Variants in SLC4A10 observed in about 807,000 individuals in gnomAD.
SLC4A10 encodes the protein solute carrier family 4 member 10.
In SLC4A10, 42 loss-of-function variants were observed where a neutral mutation model predicts 137.7. The ratio of observed to expected loss-of-function variants is 0.30; its 90% CI spans 0.24 to 0.39. The LOEUF (loss-of-function observed/expected upper bound fraction) is 0.39. Among genes scored for constraint, SLC4A10 ranks in the 10% least tolerant of loss-of-function variants. The pLI, the probability that SLC4A10 is intolerant of heterozygous loss-of-function variation, is 1.00. For missense variants in SLC4A10, 925 were observed against 1,355.0 expected, an observed-to-expected ratio of 0.68 and a Z score of 4.98; for synonymous variants, 474 against 464.1, an observed-to-expected ratio of 1.02 and a Z score of -0.27.
chr2:161,664,711 CT>C (rs11428885), intron 1 of SLC4A10, among the ~76,000 whole-genome samples: 28 of 148,418 alleles, frequency 1.9e-4, no homozygotes, highest in South Asian at 4.2e-4. Flanking sequence ...ATTTTTTCTC[CT>C]TTTTTTTTTC....
intron 15 of SLC4A10, among the ~76,000 whole-genome samples, chr2:161,940,007 T>A (rs13021256): frequency 0.27 from 41,589 of 151,996 alleles, 7,199 homozygotes; most frequent in Admixed American, 0.39. Context: ...CTGCAGACCC[T>A]CTCCCCAGTG....
chr2:161,945,539 G>A (rs1693629920), intron 16 of SLC4A10, among the ~76,000 whole-genome samples: 1 of 151,346 alleles, frequency 6.6e-6, no homozygotes. Flanking sequence ...AAAAACGAGA[G>A]CAGGATTTGG....
chr2:161,746,392 T>C (rs553080946), intron 1 of SLC4A10, among the ~76,000 whole-genome samples: 26 of 152,044 alleles, frequency 1.7e-4, no homozygotes, highest in Non-Finnish European at 3.7e-4. Flanking sequence ...TGATGACTAC[T>C]GCACGACTAC....
chr2:161,771,181 G>A, intron 2 of SLC4A10, 127 bp downstream of exon 2: 2 of 656,528 alleles, frequency 3.0e-6, no homozygotes, highest in East Asian at 2.8e-5. Flanking sequence ...TTACTGGGGA[G>A]GGGTACATCT....
intron 1 of SLC4A10, among the ~76,000 whole-genome samples, chr2:161,716,686 C>T (rs566618275): frequency 6.6e-6 from 1 of 152,194 alleles, no homozygotes; most frequent in South Asian, 2.1e-4. Flanking sequence ...TGTACCAATA[C>T]CATGCTGCTT....
chr2:161,716,524 G>A (rs1259473590), intron 1 of SLC4A10, among the ~76,000 whole-genome samples: 6 of 151,826 alleles, frequency 4.0e-5, no homozygotes, highest in Admixed American at 3.9e-4. Flanking sequence ...TAAGGAAAAG[G>A]TCCATTTTCA....
chr2:161,764,029 G>A (rs920347985), intron 1 of SLC4A10, among the ~76,000 whole-genome samples: 5 of 151,954 alleles, frequency 3.3e-5, no homozygotes, highest in African/African-American at 1.2e-4. Context: ...AAATAAACTG[G>A]CAAAAATATA....
intron 20 of SLC4A10, 72 bp downstream of exon 20, chr2:161,957,312 C>G: frequency 2.7e-6 from 4 of 1,496,792 alleles, no homozygotes; most frequent in Non-Finnish European, 3.6e-6. Context: ...TCATTTGAAT[C>G]TGAGCCATAA....
chr2:161,779,102 A>G (rs572525239), intron 2 of SLC4A10, among the ~76,000 whole-genome samples: 36 of 151,950 alleles, frequency 2.4e-4, no homozygotes, highest in Non-Finnish European at 4.9e-4. Context: ...AACAGGGTGG[A>G]AGGTCAAAGT....
intron 3 of SLC4A10, among the ~76,000 whole-genome samples, chr2:161,815,176 T>G (rs895200485): frequency 1.3e-5 from 2 of 152,098 alleles, no homozygotes; most frequent in African/African-American, 4.8e-5. Flanking sequence ...CTGGTATGGT[T>G]TGGCTCTGTG....
At chr2:161,905,912 C>G in intron 15 of SLC4A10, 25 bp downstream of exon 15, 1 of 1,555,834 alleles carries the variant, frequency 6.4e-7, no homozygotes, top group Non-Finnish European at 8.7e-7. Flanking sequence ...CCCTGCTGGC[C>G]TTGGGGCTTT....
intron 15 of SLC4A10, among the ~76,000 whole-genome samples, chr2:161,932,846 G>A (rs1055246295): frequency 2.0e-5 from 3 of 152,028 alleles, no homozygotes; most frequent in Non-Finnish European, 2.9e-5. Context: ...AGCTACAGTT[G>A]CTCTAGATGT....
intron 3 of SLC4A10, among the ~76,000 whole-genome samples, chr2:161,823,621 T>A (rs949781569): frequency 6.6e-6 from 1 of 152,246 alleles, no homozygotes; most frequent in African/African-American, 2.4e-5. Context: ...GCTTGACATG[T>A]ACTGCAGATT....
At chr2:161,654,475 G>A (rs2037238066) in intron 1 of SLC4A10, among the ~76,000 whole-genome samples, 1 of 152,098 alleles carries the variant, frequency 6.6e-6, no homozygotes, top group African/African-American at 2.4e-5. Flanking sequence ...GTGTCATGAA[G>A]CTTTTCCTCT....
At chr2:161,797,566 C>A (rs2054911616) in intron 2 of SLC4A10, among the ~76,000 whole-genome samples, 1 of 151,610 alleles carries the variant, frequency 6.6e-6, no homozygotes, top group Non-Finnish European at 1.5e-5. Flanking sequence ...GCACTCCTGG[C>A]TCTCTAAGTG....
At chr2:161,930,979 T>G (rs115686922) in intron 15 of SLC4A10, among the ~76,000 whole-genome samples, 8,586 of 152,206 alleles carry the variant, frequency 0.056, 402 homozygotes, top group African/African-American at 0.13. Context: ...TGGCCCAAGC[T>G]GAAGTGCAGT....
intron 4 of SLC4A10, among the ~76,000 whole-genome samples, chr2:161,852,752 G>C (rs754417589): frequency 2.0e-5 from 3 of 152,056 alleles, no homozygotes; most frequent in Non-Finnish European, 4.4e-5. Context: ...ACAGGCTCTG[G>C]AGAAAAACAA....
intron 10 of SLC4A10, among the ~76,000 whole-genome samples, chr2:161,893,033 G>A (rs1033366081): frequency 2.6e-5 from 4 of 152,036 alleles, no homozygotes; most frequent in African/African-American, 7.2e-5. Flanking sequence ...AGAAGCTCTA[G>A]CTGGACCTGT....
At chr2:161,686,574 A>T (rs2041427621) in intron 1 of SLC4A10, among the ~76,000 whole-genome samples, 2 of 152,186 alleles carry the variant, frequency 1.3e-5, no homozygotes, top group Admixed American at 1.3e-4. Context: ...ATTCAAAGGA[A>T]ACAAATAATC....
Sources: allele counts gnomAD v4.1 joint callset (sites outside exome capture counted in the v4.1 genomes callset), GRCh38; gene constraint gnomAD v4.1.1; transcripts MANE v1.5; gene names NCBI Gene and HGNC (gene_info 2026-07-23, HGNC 2026-07-21).